GRIN2B: variants seen among roughly 807,000 people sequenced by gnomAD.
GRIN2B encodes the protein glutamate receptor ionotropic, NMDA 2B.
Under a neutral mutation model 114.5 loss-of-function variants are expected in GRIN2B, and 5 were observed. That is an observed-to-expected ratio of 0.04 (90% CI 0.02 to 0.09). The LOEUF is 0.09. Among genes scored for constraint, GRIN2B ranks in the 10% least tolerant of loss-of-function variants. The probability of loss-of-function intolerance (pLI) is 1.00; values close to 1 mark genes in which losing one functional copy is unlikely to be tolerated. For missense variants in GRIN2B, 1,108 were observed against 1,943.5 expected (o/e 0.57, Z 8.08); for synonymous variants, 787 against 745.1 (o/e 1.06, Z -0.92).
intron 2 of GRIN2B, among the ~76,000 whole-genome samples, chr12:13,956,589 T>C (rs1475915977): frequency 6.6e-6 from 1 of 152,198 alleles, no homozygotes; most frequent in Non-Finnish European, 1.5e-5. Flanking sequence ...TCGTTCCGTA[T>C]GGACTCTGGG....
chr12:13,649,689 C>G (rs1949796819), intron 5 of GRIN2B, among the ~76,000 whole-genome samples: 1 of 151,946 alleles, frequency 6.6e-6, no homozygotes, highest in Non-Finnish European at 1.5e-5. Context: ...CCAGTGGACA[C>G]CAGACTGTTT....
intron 4 of GRIN2B, among the ~76,000 whole-genome samples, chr12:13,702,226 T>A (rs1405007513): frequency 2.6e-5 from 4 of 152,222 alleles, no homozygotes; most frequent in Non-Finnish European, 5.9e-5. Flanking sequence ...GAATTATAAT[T>A]GTGAAAATAT....
chr12:13,880,634 C>G (rs1354874513), intron 2 of GRIN2B, among the ~76,000 whole-genome samples: 1 of 152,078 alleles, frequency 6.6e-6, no homozygotes, highest in African/African-American at 2.4e-5. Flanking sequence ...AAGTGAAGAC[C>G]CCAGTTTATA....
chr12:13,798,341 G>C (rs1864452009), intron 3 of GRIN2B, among the ~76,000 whole-genome samples: 1 of 151,112 alleles, frequency 6.6e-6, no homozygotes, highest in Non-Finnish European at 1.5e-5. Flanking sequence ...CCAGCCCCTA[G>C]GGATTCAATT....
At chr12:13,903,080 T>A (rs888347213) in intron 2 of GRIN2B, among the ~76,000 whole-genome samples, 2 of 152,144 alleles carry the variant, frequency 1.3e-5, no homozygotes, top group African/African-American at 4.8e-5. Context: ...CATGTAGCAC[T>A]TCTAGTGATA....
chr12:13,687,520 A>G (rs561721086), intron 4 of GRIN2B, among the ~76,000 whole-genome samples: 1 of 152,140 alleles, frequency 6.6e-6, no homozygotes, highest in African/African-American at 2.4e-5. Context: ...CAAAATCCCT[A>G]TCATAGGTTC....
intron 4 of GRIN2B, among the ~76,000 whole-genome samples, chr12:13,726,944 T>C (rs1309608363): frequency 3.9e-5 from 6 of 152,168 alleles, no homozygotes; most frequent in Non-Finnish European, 8.8e-5. Context: ...GTAAAACTAT[T>C]AACTAATTAG....
chr12:13,658,066 G>A (rs150635880), intron 5 of GRIN2B, among the ~76,000 whole-genome samples: 86 of 152,140 alleles, frequency 5.7e-4, no homozygotes, highest in Non-Finnish European at 7.1e-4. Context: ...TTAGCTGGGC[G>A]TGGTGGTACC....
intron 4 of GRIN2B, among the ~76,000 whole-genome samples, chr12:13,745,731 C>A (rs1863367967): frequency 6.6e-6 from 1 of 152,204 alleles, no homozygotes; most frequent in Non-Finnish European, 1.5e-5. Flanking sequence ...CTAAGGAAAG[C>A]TGAGCTTTCT....
intron 5 of GRIN2B, among the ~76,000 whole-genome samples, chr12:13,646,711 T>C (rs1949764448): frequency 6.6e-6 from 1 of 152,060 alleles, no homozygotes; most frequent in Non-Finnish European, 1.5e-5. Flanking sequence ...TTTCATTTTT[T>C]AGAGACAGGG....
chr12:13,814,476 A>G (rs220594), intron 3 of GRIN2B, among the ~76,000 whole-genome samples: 67,117 of 152,066 alleles, frequency 0.44, 15,539 homozygotes, highest in East Asian at 0.74. Context: ...AATAACCTAC[A>G]AATCAGCTTA....
At chr12:13,718,698 G>A (rs962518953) in intron 4 of GRIN2B, among the ~76,000 whole-genome samples, 6 of 151,958 alleles carry the variant, frequency 3.9e-5, no homozygotes, top group African/African-American at 1.4e-4. Flanking sequence ...TGATATCCCT[G>A]GTGGGCAAAC....
chr12:13,890,784 T>C (rs1346182312), intron 2 of GRIN2B, among the ~76,000 whole-genome samples: 1 of 152,124 alleles, frequency 6.6e-6, no homozygotes, highest in Admixed American at 6.6e-5. Context: ...TGGTCTGCAG[T>C]CTGGAAACAG....
At chr12:13,795,942 G>T (rs568696460) in intron 3 of GRIN2B, among the ~76,000 whole-genome samples, 2 of 152,078 alleles carry the variant, frequency 1.3e-5, no homozygotes, top group African/African-American at 4.8e-5. Context: ...TGGGGTGAGG[G>T]GATGGGGGAG....
chr12:13,942,363 A>C (rs903014714), intron 2 of GRIN2B, among the ~76,000 whole-genome samples: 7 of 148,988 alleles, frequency 4.7e-5, no homozygotes, highest in African/African-American at 1.5e-4. Context: ...ATCCCACTAC[A>C]TACTATGTCT....
chr12:13,575,695 A>AATAATAATAATAATAATAATC (rs1591614710), intron 10 of GRIN2B, among the ~76,000 whole-genome samples: 2 of 148,170 alleles, frequency 1.3e-5, no homozygotes, highest in Non-Finnish European at 2.9e-5. Flanking sequence ...TAATAATAAT[A>AATAATAATAATAATAATAATC]ATCAAAATAA....
intron 3 of GRIN2B, among the ~76,000 whole-genome samples, chr12:13,794,682 A>G (rs1205534813): frequency 6.6e-6 from 1 of 152,260 alleles, no homozygotes; most frequent in Non-Finnish European, 1.5e-5. Context: ...GAGACTAAAA[A>G]TAAATAACGT....
At chr12:13,875,950 G>A (rs1409319224) in intron 2 of GRIN2B, among the ~76,000 whole-genome samples, 3 of 152,124 alleles carry the variant, frequency 2.0e-5, no homozygotes, top group Admixed American at 6.5e-5. Context: ...TTAGACTAGT[G>A]GCCAAGACAA....
intron 4 of GRIN2B, among the ~76,000 whole-genome samples, chr12:13,748,687 C>T (rs1468127629): frequency 2.0e-5 from 3 of 152,140 alleles, no homozygotes; most frequent in African/African-American, 7.2e-5. Flanking sequence ...ACTCTCTTAG[C>T]ATGTCTTGGG....
Sources: gnomAD v4.1 joint callset for allele counts (sites outside exome capture counted in the v4.1 genomes callset) on GRCh38, gnomAD v4.1.1 for gene constraint, MANE v1.5 for transcripts, NCBI Gene and HGNC (gene_info 2026-07-23, HGNC 2026-07-21) for gene names.